The following HIBADH variants were observed in gnomAD, a reference collection of about 807,000 sequenced individuals.
The protein encoded by HIBADH is 3-hydroxyisobutyrate dehydrogenase, mitochondrial.
A neutral mutation model predicts 36.1 loss-of-function variants in HIBADH; 25 were observed. The observed-to-expected ratio is 0.69, with a 90% confidence interval of 0.50 to 0.97. HIBADH has a LOEUF of 0.97. HIBADH is among the 50% of genes least tolerant of loss of function. The pLI, the probability that HIBADH is intolerant of heterozygous loss-of-function variation, is 0.00. For missense variants in HIBADH, 421 were observed against 418.0 expected (o/e 1.01, Z -0.06); for synonymous variants, 160 against 149.5 (o/e 1.07, Z -0.51).
At chr7:27,589,303 T>TA (rs1784908155) in intron 4 of HIBADH, among the ~76,000 whole-genome samples, 1 of 152,182 alleles carries the variant, frequency 6.6e-6, no homozygotes, top group Non-Finnish European at 1.5e-5. Context: ...TTATAGTGAA[T>TA]AAAACCTTTT....
intron 4 of HIBADH, among the ~76,000 whole-genome samples, chr7:27,592,095 T>A (rs1784948606): frequency 6.6e-6 from 1 of 152,218 alleles, no homozygotes; most frequent in Admixed American, 6.5e-5. Context: ...TTCCCCTTCC[T>A]CACTTGGAAA....
intron 2 of HIBADH, among the ~76,000 whole-genome samples, chr7:27,647,194 C>T (rs1487070828): frequency 1.3e-5 from 2 of 152,150 alleles, no homozygotes; most frequent in Non-Finnish European, 2.9e-5. Context: ...ATCACTGAGG[C>T]GGCTAGTAAG....
rs547865669 is a variant in HIBADH, at chr7:27,575,721, T to C, written c.485-32621A>G. Among the ~76,000 whole-genome samples the C allele has an allele frequency of 3.9e-5, 6 of 152,262 alleles. No individual in the cohort carries two copies. In the East Asian group the frequency reaches 9.7e-4, roughly 25 times the overall value. ...GCTGTTTTCAAAAAAAGGAAACACATGTGCACATGTTGTTTTTTCCCTAAG... is the reference window on the plus strand; with the variant it reads ...GCTGTTTTCAAAAAAAGGAAACACACGTGCACATGTTGTTTTTTCCCTAAG... On this transcript the variant is annotated intron_variant, in intron 4 of 7. Coordinates refer to ENST00000265395, the MANE Select transcript of HIBADH (RefSeq NM_152740.4).
chr7:27,538,552 A>G (rs1379617312), intron 5 of HIBADH, 135 bp from the exon 6 acceptor site: 5 of 712,302 alleles, frequency 7.0e-6, no homozygotes, highest in South Asian at 1.7e-5. Context: ...CGAGTGCGGA[A>G]GAGAACCTGA....
chr7:27,527,075 T>G lies in HIBADH; in HGVS notation c.853-703A>C, dbSNP rs199818682. 3.0e-4 allele frequency among the ~76,000 whole-genome samples: 3 copies of G among 9,838 alleles called. No individual in the cohort carries two copies. In the African/African-American group the frequency reaches 6.1e-3, roughly 20 times the overall value. 6.5% of individuals were successfully genotyped at this position (9,838 alleles called of 152,430 possible). ...CTGGCAGACAATGTGACAGCAAATG[T>G]GAAGCAAATGTGAAGGTTTCCAAGA... On this transcript the variant is annotated intron_variant, in intron 7 of 7. Transcript: ENST00000265395.
At chr7:27,641,026 GC>G (rs774538083) in intron 2 of HIBADH, among the ~76,000 whole-genome samples, 1 of 152,060 alleles carries the variant, frequency 6.6e-6, no homozygotes, top group Non-Finnish European at 1.5e-5. Context: ...ACCTGGAACG[GC>G]AGGTGGCCAT....
At chr7:27,542,846 A>T in intron 5 of HIBADH, 121 bp downstream of exon 5, 1 of 1,127,232 alleles carries the variant, frequency 8.9e-7, no homozygotes, top group Non-Finnish European at 1.2e-6. Context: ...TAAATGTTTT[A>T]AAATCTGAGC....
chr7:27,556,372 CTCAG>C (rs1426732832), intron 4 of HIBADH, among the ~76,000 whole-genome samples: 2 of 152,090 alleles, frequency 1.3e-5, no homozygotes, highest in Admixed American at 1.3e-4. Context: ...AATAATTTCC[CTCAG>C]TCTGTTGTTG....
intron 6 of HIBADH, among the ~76,000 whole-genome samples, chr7:27,532,373 A>T (rs1197959754): frequency 2.0e-5 from 3 of 152,242 alleles, no homozygotes; most frequent in Admixed American, 2.0e-4. Context: ...AAAACACTGA[A>T]AAGAGACACT....
intron 2 of HIBADH, among the ~76,000 whole-genome samples, chr7:27,638,235 C>T (rs575424005): frequency 7.3e-6 from 1 of 136,622 alleles, no homozygotes; most frequent in African/African-American, 2.8e-5. Context: ...AAAACAGGCA[C>T]ACAGACCAAT....
chr7:27,568,565 C>G (rs1292956352), intron 4 of HIBADH, among the ~76,000 whole-genome samples: 2 of 152,118 alleles, frequency 1.3e-5, no homozygotes, highest in African/African-American at 2.4e-5. Flanking sequence ...TTAGCCAATT[C>G]TCATGCCTCG....
intron 5 of HIBADH, among the ~76,000 whole-genome samples, chr7:27,541,227 T>G (rs539392355): frequency 6.6e-6 from 1 of 152,154 alleles, no homozygotes; most frequent in East Asian, 1.9e-4. Context: ...TTTTTCTTAA[T>G]GGCGCCTGGG....
intron 4 of HIBADH, among the ~76,000 whole-genome samples, chr7:27,618,763 G>C (rs1197882833): frequency 6.6e-6 from 1 of 152,152 alleles, no homozygotes; most frequent in Non-Finnish European, 1.5e-5. Context: ...ACAGCTTTTG[G>C]ATAACCCTCA....
intron 4 of HIBADH, among the ~76,000 whole-genome samples, chr7:27,593,072 T>C (rs1003012011): frequency 6.6e-6 from 1 of 152,152 alleles, no homozygotes; most frequent in Admixed American, 6.5e-5. Flanking sequence ...AATACTCCTA[T>C]GGTTCAATGT....
At chr7:27,529,937 T>A (rs1321679597) in intron 7 of HIBADH, among the ~76,000 whole-genome samples, 3 of 152,158 alleles carry the variant, frequency 2.0e-5, no homozygotes, top group African/African-American at 7.2e-5. Context: ...AGGCAAGACC[T>A]TCCACCAGCA....
chr7:27,617,947 A>T (rs1320046370), intron 4 of HIBADH, among the ~76,000 whole-genome samples: 1 of 152,224 alleles, frequency 6.6e-6, no homozygotes, highest in African/African-American at 2.4e-5. Context: ...TCCCCAGGAA[A>T]AAAATGGTGC....
intron 6 of HIBADH, among the ~76,000 whole-genome samples, chr7:27,534,455 G>C (rs1289861731): frequency 1.3e-5 from 2 of 152,184 alleles, no homozygotes; most frequent in Admixed American, 6.6e-5. Context: ...AGGAAGCTAA[G>C]AGGAGGCTGT....
chr7:27,608,247 AAAC>A lies in HIBADH; in HGVS notation c.484+21121_484+21123del, dbSNP rs1785264699. ...TAGGTAACCTAAGCTAAATGCAAAA[AAAC>A]AACAATCTTCTACCTTCAGGTCAGG... is the stretch of plus-strand genomic sequence containing the variant. On this transcript the variant is annotated intron_variant, in intron 4 of 7. Transcript: ENST00000265395. Among the ~76,000 whole-genome samples, 3 of 152,332 alleles carry A rather than the reference AAAC, an allele frequency of 2.0e-5. No individual in the cohort carries two copies. The South Asian group carries it at 6.2e-4, about 32-fold the overall frequency.
intron 6 of HIBADH, among the ~76,000 whole-genome samples, chr7:27,531,783 G>C (rs572163179): frequency 4.0e-5 from 6 of 151,892 alleles, no homozygotes; most frequent in Admixed American, 2.6e-4. Context: ...ACAGATAAAC[G>C]ATGCATCATG....
Sources: allele counts gnomAD v4.1 joint callset (sites outside exome capture counted in the v4.1 genomes callset), GRCh38; gene constraint gnomAD v4.1.1; transcripts MANE v1.5; gene names NCBI Gene and HGNC (gene_info 2026-07-23, HGNC 2026-07-21).